Variants in LRP1 observed in about 807,000 individuals in gnomAD.
LRP1 encodes the protein prolow-density lipoprotein receptor-related protein 1.
LRP1 carries 51 observed loss-of-function variants against 541.5 expected under a neutral mutation model. The ratio of observed to expected loss-of-function variants is 0.09; its 90% CI spans 0.08 to 0.12. The LOEUF (loss-of-function observed/expected upper bound fraction) is 0.12, where lower values mean the gene tolerates loss of function less well. Ranked by LOEUF, LRP1 falls within the 10% of genes least tolerant of loss-of-function variation. The pLI is 1.00. For synonymous variants in LRP1, 2,219 were observed against 2,470.8 expected (o/e 0.90, Z 3.02); for missense variants, 3,878 against 6,376.2 (o/e 0.61, Z 13.34).
rs191695306 is a variant in LRP1 at position 57,145,633 on chromosome 12, G to A, written c.841+143G>A. On this transcript the variant is annotated intron_variant, in intron 6 of 88. Coordinates refer to ENST00000243077, the MANE Select transcript of LRP1 (RefSeq NM_002332.3). Reference sequence around the variant, plus strand: ...AGCAGGAGGCTGGATACAATGGTGTGTGTTTGAGGCAGGGGCAGAGCCACC... The same window carrying A: ...AGCAGGAGGCTGGATACAATGGTGTATGTTTGAGGCAGGGGCAGAGCCACC... The A allele has an allele frequency of 1.1e-3, 1,188 of 1,117,938 alleles. 5 individuals are homozygous for A. Among genetic ancestry groups the A allele is most frequent in the Admixed American group, 3.2e-3 (147 of 46,226 alleles). The allele number at this position is 1,117,938 out of a possible 1,614,324, so 69.3% of individuals were successfully genotyped here.
intron 51 of LRP1, 22 bp from the exon 52 acceptor site, chr12:57,195,249 G>A (rs751839491): frequency 6.2e-7 from 1 of 1,611,336 alleles, no homozygotes; most frequent in Admixed American, 1.7e-5. Flanking sequence ...AAGTCTCTCA[G>A]TGGCCCTCTC....
Position 57,203,369 on chromosome 12 carries a change from G to T in LRP1, c.10819-20G>T. On this transcript the variant is annotated intron_variant, in intron 69 of 88. Transcript: ENST00000243077. ...GGGGAGTGCCGAGAGGTGACCGGCT[G>T]CCTGTGCCCATGCCCACAGAAAGAC... is the stretch of plus-strand genomic sequence containing the variant. 6.3e-7 allele frequency: 1 copy of T among 1,597,402 alleles called. No homozygotes were observed. The highest frequency in any genetic ancestry group is 8.6e-7 in the Non-Finnish European group (1 of 1,168,654).
chr12:57,187,678 G>A (rs1413934608), intron 42 of LRP1, among the ~76,000 whole-genome samples: 1 of 152,194 alleles, frequency 6.6e-6, no homozygotes, highest in African/African-American at 2.4e-5. Context: ...TGCACCAAAG[G>A]GAGCATCAGG....
rs2035379775 is a variant in LRP1, at chr12:57,145,242, C to T, written c.593C>T (p.Pro198Leu). ...CKAKNEPVDR[P>L]PVLLIANSQN... ...CCATTCCCAGAGCCAGTAGACCGGC[C>T]CCCTGTGCTGTTGATAGCCAACTCC... Residue 198 changes from proline to leucine, a missense_variant, in exon 6 of 89, where the codon CCC becomes CTC. By Grantham distance (98) the Pro-to-Leu change is moderately conservative (BLOSUM62 -3). This residue lies in a region of LRP1 where 293 missense variants were observed against 403.7 expected (regional missense o/e 0.73). Coordinates refer to ENST00000243077, the MANE Select transcript of LRP1 (RefSeq NM_002332.3). 6.2e-7 allele frequency: 1 copy of T among 1,614,026 alleles called. No individual in the cohort carries two copies. Among genetic ancestry groups the T allele is most frequent in the Non-Finnish European group, 8.5e-7 (1 of 1,180,048 alleles).
At chr12:57,210,528 G>GCC in intron 82 of LRP1, 48 bp downstream of exon 82, 1 of 1,483,024 alleles carries the variant, frequency 6.7e-7, no homozygotes, top group Non-Finnish European at 9.0e-7. Flanking sequence ...CTGGGCCCCA[G>GCC]CCCCGCCACC....
chr12:57,210,951 T>C, intron 83 of LRP1, 72 bp downstream of exon 83: 2 of 1,544,774 alleles, frequency 1.3e-6, no homozygotes, highest in Non-Finnish European at 1.8e-6. Context: ...GGGGTGATGT[T>C]CAACCTGTGC....
At chr12:57,166,010 G>T (rs935332306) in intron 16 of LRP1, 65 bp downstream of exon 16, 1 of 1,612,742 alleles carries the variant, frequency 6.2e-7, no homozygotes, top group Non-Finnish European at 8.5e-7. Flanking sequence ...GGCTCTGGCA[G>T]TGCCTATACT....
chr12:57,141,336 G>A (rs777363361), intron 2 of LRP1, 38 bp from the exon 3 acceptor site: 38 of 1,613,228 alleles, frequency 2.4e-5, no homozygotes, highest in Non-Finnish European at 3.1e-5. Flanking sequence ...AGCCACCATA[G>A]CCAGCTTGTT....
intron 1 of LRP1, among the ~76,000 whole-genome samples, chr12:57,129,620 C>T (rs1408634098): frequency 2.0e-5 from 3 of 152,200 alleles, no homozygotes; most frequent in Admixed American, 6.5e-5. Flanking sequence ...CTGAAGTAGG[C>T]TCTTCCCCCT....
chr12:57,148,811 A>G (rs1442152806), intron 6 of LRP1, among the ~76,000 whole-genome samples: 1 of 152,180 alleles, frequency 6.6e-6, no homozygotes, highest in Non-Finnish European at 1.5e-5. Flanking sequence ...CAGAGGTCTC[A>G]GGGTTCCCCT....
chr12:57,159,172 C>G (rs1006433555), intron 11 of LRP1, among the ~76,000 whole-genome samples: 13 of 152,192 alleles, frequency 8.5e-5, no homozygotes, highest in Admixed American at 2.0e-4. Flanking sequence ...CTGAGCTGTA[C>G]GAGTTCTGCC....
intron 58 of LRP1, 41 bp from the exon 59 acceptor site, chr12:57,198,115 C>CAGGT (rs2036574401): frequency 6.4e-7 from 1 of 1,557,506 alleles, no homozygotes; most frequent in Non-Finnish European, 8.8e-7. Context: ...GGTCCTCCCC[C>CAGGT]AGGTCACCCA....
At chr12:57,175,391 G>C in intron 22 of LRP1, 69 bp from the exon 23 acceptor site, 1 of 1,592,514 alleles carries the variant, frequency 6.3e-7, no homozygotes, top group South Asian at 1.1e-5. Flanking sequence ...TTGGGGCCCA[G>C]CAGGGCCGTG....
In LRP1 at chr12:57,165,969, C is replaced by A; in HGVS notation, c.2671+24C>A. The A allele has an allele frequency of 1.2e-6, 2 of 1,613,368 alleles. No homozygotes were observed. The highest frequency in any genetic ancestry group is 1.7e-6 in the Non-Finnish European group (2 of 1,179,354). On this transcript the variant is annotated intron_variant, in intron 16 of 88. Coordinates refer to ENST00000243077, the MANE Select transcript of LRP1 (RefSeq NM_002332.3). The surrounding 1 kb of genome is among the most constrained non-coding windows in gnomAD (Gnocchi z 4.5). Reference sequence around the variant, plus strand: ...CCGTGAGTCACACGCCCTGCCCCACCCTGTTGGATGGCAGGCCTGCAGGGC... The same window carrying A: ...CCGTGAGTCACACGCCCTGCCCCACACTGTTGGATGGCAGGCCTGCAGGGC...
intron 18 of LRP1, 150 bp from the exon 19 acceptor site, chr12:57,167,294 C>G: frequency 1.5e-6 from 1 of 678,504 alleles, no homozygotes; most frequent in South Asian, 1.7e-5. Context: ...AGTGGAGTTT[C>G]CAGCCGAGGC....
At chr12:57,164,025 G>A (rs564912840) in intron 15 of LRP1, among the ~76,000 whole-genome samples, 18 of 152,114 alleles carry the variant, frequency 1.2e-4, no homozygotes, top group Non-Finnish European at 2.4e-4. Flanking sequence ...ACAAAAATTA[G>A]CCAGGCATGG....
Position 57,181,312 on chromosome 12 carries a change from C to T in LRP1, c.5662+21C>T, listed in dbSNP as rs1175049201. ...CGAGGGTCAGTGCCTGGCTTTCCTC[C>T]CAGCCTTGTCCCAGCTCCCCAACCC... On this transcript the variant is annotated intron_variant, in intron 34 of 88. Transcript: ENST00000243077. The T allele has an allele frequency of 2.5e-6, 4 of 1,601,284 alleles. No individual in the cohort carries two copies. In the South Asian group the frequency reaches 3.4e-5, roughly 13 times the overall value.
intron 77 of LRP1, 57 bp from the exon 78 acceptor site, chr12:57,208,654 G>A: frequency 9.2e-7 from 1 of 1,088,486 alleles, no homozygotes; most frequent in Non-Finnish European, 1.4e-6. Flanking sequence ...TGTCCTGCCT[G>A]GGCCTGCCTC....
In LRP1 at chr12:57,173,874, A is replaced by T. The variant is rs2035992137; in HGVS notation, c.3441A>T (p.Pro1147=). 1.2e-6 allele frequency: 2 copies of T among 1,614,030 alleles called. No homozygotes were observed. Among genetic ancestry groups the T allele is most frequent in the Non-Finnish European group, 1.7e-6 (2 of 1,180,032 alleles). Residue 1147 remains proline, a synonymous_variant, in exon 22 of 89, where the codon CCA becomes CCT. Transcript: ENST00000243077. The surrounding 1 kb of genome is among the most constrained non-coding windows in gnomAD (Gnocchi z 4.7). ...ACTGCGAGTCCCTGGCCTGCAGGCCACCCTCGCACCCTTGTGCCAACAACA... is the reference window on the plus strand; with the variant it reads ...ACTGCGAGTCCCTGGCCTGCAGGCCTCCCTCGCACCCTTGTGCCAACAACA... ...EENCESLACR[P]PSHPCANNTS...
Sources: gnomAD v4.1 joint callset for allele counts (sites outside exome capture counted in the v4.1 genomes callset) on GRCh38, gnomAD v4.1.1 for gene constraint, gnomAD v4.1.1 regional missense constraint, Gnocchi (gnomAD v3.1) non-coding constraint, MANE v1.5 for transcripts, NCBI Gene and HGNC (gene_info 2026-07-23, HGNC 2026-07-21) for gene names.